Variants in ARHGAP32 observed in about 807,000 individuals in gnomAD.
ARHGAP32 encodes the protein Rho GTPase activating protein 32, also known as rho GTPase-activating protein 32.
ARHGAP32 carries 51 observed loss-of-function variants against 186.5 expected under a neutral mutation model. The observed-to-expected ratio is 0.27, with a 90% CI of 0.22 to 0.35. The LOEUF is 0.35. ARHGAP32 is among the 10% of genes least tolerant of loss of function. ARHGAP32 has a pLI of 1.00. For missense variants in ARHGAP32, 2,186 were observed against 2,623.5 expected, an observed-to-expected ratio of 0.83 and a Z score of 3.64; for synonymous variants, 950 against 964.3, an observed-to-expected ratio of 0.99 and a Z score of 0.27.
rs140083507 is a variant in ARHGAP32 at position 128,970,839 on chromosome 11, G to A, written c.4374C>T (p.Val1458=). Residue 1458 remains valine (V), a synonymous_variant, in exon 23 of 23, where the codon GTC becomes GTT. Transcript: ENST00000682385. This position sits in a 1 kb window ranked among gnomAD's most constrained non-coding sequence, Gnocchi z 5.8. ...ATSSSNYHSF[V]TASSTSVDDA... is the part of the protein sequence containing the mutation. ...CGTCCACAGAGGTGGATGAAGCAGTGACAAAGGAATGATAATTTGAACTGC... is the reference window on the plus strand; with the variant it reads ...CGTCCACAGAGGTGGATGAAGCAGTAACAAAGGAATGATAATTTGAACTGC... The A allele has an allele frequency of 1.9e-6, 3 of 1,614,120 alleles. No homozygotes were observed. The highest frequency in any genetic ancestry group is 2.5e-6 in the Non-Finnish European group (3 of 1,180,052).
In ARHGAP32 at chr11:128,968,165, T is replaced by G. The variant is rs1945261155; in HGVS notation, c.*742A>C. On this transcript the variant is annotated 3_prime_UTR_variant, in exon 23 of 23. Transcript: ENST00000682385. ...AGAAGTTTCCTTAAGTACTAACTTT[T>G]AAAAGTCCATTCTGTCATGATATGA... The G allele has an allele frequency of 6.6e-6, 1 of 152,086 alleles. No individual in the cohort carries two copies. Among genetic ancestry groups the G allele is most frequent in the South Asian group, 2.1e-4 (1 of 4,836 alleles). The allele number at this position is 152,086 out of a possible 1,614,324, so 9.4% of individuals were successfully genotyped here.
At chr11:129,144,923 C>T (rs1943137538) in intron 2 of ARHGAP32, among the ~76,000 whole-genome samples, 1 of 152,140 alleles carries the variant, frequency 6.6e-6, no homozygotes, top group Non-Finnish European at 1.5e-5. Flanking sequence ...TATTAGAAAG[C>T]ACCATTAGCA....
rs761748472 is a variant in ARHGAP32, at chr11:128,973,362, C to T, written c.3144G>A (p.Pro1048=). 11 of 1,613,594 alleles carry T rather than the reference C, an allele frequency of 6.8e-6. No homozygotes were observed. The highest frequency in any genetic ancestry group is 3.3e-5 in the South Asian group (3 of 91,058). Residue 1048 remains proline (P), a synonymous_variant, in exon 22 of 23, where the codon CCG becomes CCA. Transcript: ENST00000682385. The stretch of plus-strand genomic sequence containing the variant: ...ACATTCGGGCAACATTTTTCGGAGG[C>T]GGTGGTGGTGGGATAAGAGAGACTG... ...VSSVSLIPPP[P]PPKNVARMLA...
At chr11:129,158,381 C>A (rs1259710305) in intron 2 of ARHGAP32, among the ~76,000 whole-genome samples, 4 of 138,622 alleles carry the variant, frequency 2.9e-5, no homozygotes, top group Non-Finnish European at 3.1e-5. Context: ...GAAGATTTAC[C>A]AAGCAAATGG....
At chr11:129,194,633 A>G (rs925517163), upstream of ARHGAP32, among the ~76,000 whole-genome samples, 13 of 152,202 alleles carry the variant, frequency 8.5e-5, no homozygotes, top group Admixed American at 7.9e-4. Flanking sequence ...AGGAAAACAG[A>G]CAGCTGGAGA....
chr11:128,976,091 A>G (rs1487152977), intron 20 of ARHGAP32, among the ~76,000 whole-genome samples: 1 of 151,142 alleles, frequency 6.6e-6, no homozygotes, highest in Non-Finnish European at 1.5e-5. Context: ...ATATATATAT[A>G]TATATATATA....
intron 1 of ARHGAP32, among the ~76,000 whole-genome samples, chr11:129,214,546 AG>A (rs1289461422): frequency 1.3e-5 from 2 of 152,184 alleles, no homozygotes; most frequent in African/African-American, 2.4e-5. Context: ...AGAGAGATTG[AG>A]GGGATTCAAA....
chr11:129,213,456 G>A (rs935030485), intron 1 of ARHGAP32, among the ~76,000 whole-genome samples: 5 of 152,170 alleles, frequency 3.3e-5, no homozygotes, highest in Non-Finnish European at 7.3e-5. Context: ...CAGCAGGTGC[G>A]TAACAGTAAT....
chr11:129,038,145 T>C (rs925598884), intron 11 of ARHGAP32, among the ~76,000 whole-genome samples: 2 of 151,780 alleles, frequency 1.3e-5, no homozygotes, highest in African/African-American at 4.9e-5. Context: ...GGAAGAAAAC[T>C]GGAAATTCAG....
chr11:128,973,287 C>T lies in ARHGAP32; in HGVS notation c.3219G>A (p.Leu1073=). ...CAGCCTGAGAGGTCCCTGGTCTCTT[C>T]AATGACTGAGTTGAGGCTTGCTGTG... is the stretch of plus-strand genomic sequence containing the variant. ...ESAQQASTQS[L]KRPGTSQAGY... The change falls in exon 22 of 23, where the codon TTG becomes TTA. Residue 1073 remains leucine (L), a synonymous_variant. Transcript: ENST00000682385. 6.2e-7 allele frequency: 1 copy of T among 1,614,174 alleles called. No homozygotes were observed. Among genetic ancestry groups the T allele is most frequent in the Non-Finnish European group, 8.5e-7 (1 of 1,180,044 alleles).
rs943193053 is a variant in ARHGAP32, at chr11:129,168,868, C to T, written c.117-4441G>A. ...AATGACTGAAAGATAACTAGAAATTCCTCTAAATGTTTGGAAATAAAGAAA... is the reference window on the plus strand; with the variant it reads ...AATGACTGAAAGATAACTAGAAATTTCTCTAAATGTTTGGAAATAAAGAAA... On this transcript the variant is annotated intron_variant, in intron 1 of 22. Coordinates refer to ENST00000682385, the MANE Select transcript of ARHGAP32 (RefSeq NM_001378024.1). 2.6e-5 allele frequency among the ~76,000 whole-genome samples: 4 copies of T among 151,688 alleles called. No individual in the cohort carries two copies. The East Asian group carries it at 5.8e-4, about 22-fold the overall frequency.
In ARHGAP32 at chr11:129,248,401, G is replaced by A. The variant is rs553467808; in HGVS notation, c.-5+30745C>T. Among the ~76,000 whole-genome samples, 10 of 152,048 alleles carry A rather than the reference G, an allele frequency of 6.6e-5. No homozygotes were observed. In the East Asian group the frequency reaches 1.2e-3, roughly 18 times the overall value. ...TGTTTTTATTTATGTCTTGGCTCCC[G>A]TTATTTCGATTTAAAATTTTAAAAA... is the stretch of plus-strand genomic sequence containing the variant. On this transcript the variant is annotated intron_variant, in intron 1 of 6. Coordinates refer to the ARHGAP32 transcript ENST00000525234.
At chr11:129,241,857 G>A (rs1161564403) in intron 1 of ARHGAP32, among the ~76,000 whole-genome samples, 1 of 152,094 alleles carries the variant, frequency 6.6e-6, no homozygotes, top group Non-Finnish European at 1.5e-5. Context: ...ATTCAGTAAT[G>A]TTCAAATAAA....
At chr11:129,238,405 G>A (rs1273485849) in intron 1 of ARHGAP32, among the ~76,000 whole-genome samples, 1 of 152,072 alleles carries the variant, frequency 6.6e-6, no homozygotes, top group African/African-American at 2.4e-5. Context: ...GTGAGGACAT[G>A]TAAGTGAAAA....
At chr11:129,116,274 G>A (rs1942366458) in intron 5 of ARHGAP32, among the ~76,000 whole-genome samples, 1 of 151,928 alleles carries the variant, frequency 6.6e-6, no homozygotes, top group Non-Finnish European at 1.5e-5. Context: ...GTAAATTATG[G>A]CTGACTCCAC....
intron 1 of ARHGAP32, among the ~76,000 whole-genome samples, chr11:129,204,413 G>A (rs970098736): frequency 6.6e-6 from 1 of 152,060 alleles, no homozygotes; most frequent in African/African-American, 2.4e-5. Context: ...TAGGGGTAAG[G>A]CTATGCAAAA....
intron 6 of ARHGAP32, among the ~76,000 whole-genome samples, chr11:129,076,800 G>GA (rs1941056847): frequency 6.6e-6 from 1 of 152,164 alleles, no homozygotes; most frequent in Non-Finnish European, 1.5e-5. Flanking sequence ...ACAGCATGTG[G>GA]AGGCTCACAT....
At chr11:129,122,424 G>A (rs1413994350) in intron 5 of ARHGAP32, among the ~76,000 whole-genome samples, 1 of 151,828 alleles carries the variant, frequency 6.6e-6, no homozygotes, top group Non-Finnish European at 1.5e-5. Context: ...TATATCAAAT[G>A]CTTAACAGTC....
chr11:129,113,405 C>T (rs1942280033), intron 5 of ARHGAP32, among the ~76,000 whole-genome samples: 1 of 152,004 alleles, frequency 6.6e-6, no homozygotes, highest in Admixed American at 6.6e-5. Flanking sequence ...GTTTACATTC[C>T]TCTTGATTAG....
Sources: allele counts gnomAD v4.1 joint callset (sites outside exome capture counted in the v4.1 genomes callset), GRCh38; gene constraint gnomAD v4.1.1; non-coding constraint Gnocchi (gnomAD v3.1); transcripts MANE v1.5; gene names NCBI Gene and HGNC (gene_info 2026-07-23, HGNC 2026-07-21).